The following KCTD3 variants were observed in gnomAD, a reference collection of about 807,000 sequenced individuals.
The protein encoded by KCTD3 is BTB/POZ domain-containing protein KCTD3.
KCTD3 carries 41 observed loss-of-function variants against 85.8 expected under a neutral mutation model. The observed-to-expected ratio is 0.48, with a 90% confidence interval of 0.37 to 0.62. The LOEUF (loss-of-function observed/expected upper bound fraction) is 0.62, where lower values mean the gene tolerates loss of function less well. Among genes scored for constraint, KCTD3 ranks in the 20% least tolerant of loss-of-function variants. The pLI, the probability that KCTD3 is intolerant of heterozygous loss-of-function variation, is 0.00. For synonymous variants in KCTD3, 338 were observed against 345.4 expected (o/e 0.98, Z 0.24); for missense variants, 724 against 989.9 (o/e 0.73, Z 3.60).
chr1:215,576,512 G>T (rs1659589741), intron 4 of KCTD3, among the ~76,000 whole-genome samples: 1 of 152,082 alleles, frequency 6.6e-6, no homozygotes. Context: ...GGAGTTTGAG[G>T]CTGCAGTGAG....
chr1:215,592,444 G>A (rs1236554820), intron 9 of KCTD3, among the ~76,000 whole-genome samples: 1 of 151,912 alleles, frequency 6.6e-6, no homozygotes, highest in African/African-American at 2.4e-5. Context: ...GACAGCTTAA[G>A]TCCTCCCAAA....
At chr1:215,600,317 T>G (rs1001707928) in intron 10 of KCTD3, among the ~76,000 whole-genome samples, 1 of 152,158 alleles carries the variant, frequency 6.6e-6, no homozygotes, top group African/African-American at 2.4e-5. Flanking sequence ...GTTATTTCTG[T>G]TTTTAATTAG....
chr1:215,586,755 A>C lies in KCTD3; in HGVS notation c.817+70A>C, dbSNP rs1206393341. ...TTTGAAGTTTATAAAAGAGATTGACACTGAATATGAAAATTAACCTGGACT... is the reference window on the plus strand; with the variant it reads ...TTTGAAGTTTATAAAAGAGATTGACCCTGAATATGAAAATTAACCTGGACT... On this transcript the variant is annotated intron_variant, in intron 9 of 17. Transcript: ENST00000259154. 7.8e-6 allele frequency: 10 copies of C among 1,275,026 alleles called. No homozygotes were observed. In the Admixed American group the frequency reaches 1.8e-4, roughly 23 times the overall value. 79.0% of individuals were successfully genotyped at this position (1,275,026 alleles called of 1,614,324 possible).
intron 12 of KCTD3, among the ~76,000 whole-genome samples, chr1:215,603,269 G>A (rs923903143): frequency 6.6e-6 from 1 of 151,984 alleles, no homozygotes; most frequent in African/African-American, 2.4e-5. Flanking sequence ...CATCTTTCTG[G>A]TTCTAGGAGG....
rs773715867 is a variant in KCTD3, at chr1:215,620,554, C to A, written c.2384C>A (p.Thr795Lys). 1 of 1,613,562 alleles carries A rather than the reference C, an allele frequency of 6.2e-7. No individual in the cohort carries two copies. The highest frequency in any genetic ancestry group is 1.1e-5 in the South Asian group (1 of 90,970). The change falls in exon 18 of 18, where the codon ACA (threonine) becomes AAA (lysine). Residue 795 changes from threonine (T) to lysine (K), a missense_variant. By Grantham distance (78) the Thr-to-Lys change is moderately conservative (BLOSUM62 -1). Coordinates refer to ENST00000259154, the MANE Select transcript of KCTD3 (RefSeq NM_016121.5). The part of the protein sequence containing the change: ...DSPGTASPSP[T>K]KTTPSPRHKK... ...CCTGGTACTGCGTCCCCATCTCCTA[C>A]AAAGACTACTCCATCTCCTCGGCAT...
At chr1:215,581,033 G>T in intron 8 of KCTD3, 1 of 441,382 alleles carries the variant, frequency 2.3e-6, no homozygotes, top group East Asian at 7.4e-5. Flanking sequence ...AGGCCGAGAT[G>T]GGTGGAGTTC....
intron 8 of KCTD3, among the ~76,000 whole-genome samples, chr1:215,580,766 GA>G (rs1299836169): frequency 6.6e-6 from 1 of 151,882 alleles, no homozygotes. Context: ...GTTCGGTTAA[GA>G]AAAATAGTCA....
chr1:215,568,621 A>ATTAGTTGAGTT (rs1409176081), intron 1 of KCTD3, among the ~76,000 whole-genome samples: 16 of 151,828 alleles, frequency 1.1e-4, no homozygotes. Flanking sequence ...TGAAAGAAGG[A>ATTAGTTGAGTT]TTAGTTGAGT....
At chr1:215,574,506 A>G (rs911491152) in intron 3 of KCTD3, among the ~76,000 whole-genome samples, 1 of 152,128 alleles carries the variant, frequency 6.6e-6, no homozygotes, top group African/African-American at 2.4e-5. Context: ...TTGGAGAATA[A>G]CCTTGCGAAT....
intron 15 of KCTD3, among the ~76,000 whole-genome samples, chr1:215,613,338 A>C (rs980616184): frequency 6.6e-6 from 1 of 152,058 alleles, no homozygotes; most frequent in African/African-American, 2.4e-5. Context: ...TCGTTTGCCC[A>C]CTTTCTAATG....
chr1:215,567,444 G>A lies in KCTD3; in HGVS notation c.-242G>A, dbSNP rs1659164893. ...GGCCCGGGCGGCCCGGCGGCCTGGA[G>A]GCCGCGAAAGGTGGAGGCCGGGCCG... On this transcript the variant is annotated 5_prime_UTR_variant, in exon 1 of 18. Coordinates refer to ENST00000259154, the MANE Select transcript of KCTD3 (RefSeq NM_016121.5). 4.1e-6 allele frequency: 1 copy of A among 246,018 alleles called. No individual in the cohort carries two copies. Among genetic ancestry groups the A allele is most frequent in the South Asian group, 1.8e-4 (1 of 5,618 alleles). 15.2% of individuals were successfully genotyped at this position (246,018 alleles called of 1,614,324 possible).
intron 5 of KCTD3, 102 bp downstream of exon 5, chr1:215,577,830 G>C (rs1571873515): frequency 7.8e-7 from 1 of 1,279,318 alleles, no homozygotes; most frequent in Non-Finnish European, 1.1e-6. Flanking sequence ...TGATGGACTT[G>C]TTCAGTGCTT....
chr1:215,620,606 G>A lies in KCTD3; in HGVS notation c.2436G>A (p.Glu812=), dbSNP rs1393870955. 6.3e-7 allele frequency: 1 copy of A among 1,579,114 alleles called. No homozygotes were observed. The highest frequency in any genetic ancestry group is 8.6e-7 in the Non-Finnish European group (1 of 1,164,982). Residue 812 remains glutamate, a synonymous_variant, in exon 18 of 18, where the codon GAG becomes GAA. Transcript: ENST00000259154. ...AAAAAAGTGATTCTTCAGGTCAGGA[G>A]TACAGCTTGTGAAAACTCACCAAAA... ...RHKKSDSSGQ[E]YSL
chr1:215,594,303 C>T (rs962066314), intron 9 of KCTD3, among the ~76,000 whole-genome samples: 3 of 152,200 alleles, frequency 2.0e-5, no homozygotes, highest in Non-Finnish European at 4.4e-5. Flanking sequence ...ACTCCTAGTG[C>T]AGTACTCTGC....
rs750025083 is a variant in KCTD3, at chr1:215,620,161, G to A, written c.1991G>A (p.Ser664Asn). 4 of 1,613,384 alleles carry A rather than the reference G, an allele frequency of 2.5e-6. No individual in the cohort carries two copies. In the South Asian group the frequency reaches 3.3e-5, roughly 13 times the overall value. The part of the protein sequence containing the change: ...PLLARARRTE[S>N]FHSYRDFQTI... ...TTAGCAAGGGCAAGAAGGACTGAGA[G>A]CTTTCACAGTTATAGGGACTTCCAG... is the stretch of plus-strand genomic sequence containing the variant. Residue 664 changes from serine to asparagine, a missense_variant, in exon 18 of 18, where the codon AGC becomes AAC. Ser to Asn is a conservative substitution (Grantham distance 46, BLOSUM62 1). Transcript: ENST00000259154.
rs1002990070 is a variant in KCTD3, at chr1:215,586,555, C to G, written c.687C>G (p.Ile229Met). The G allele has an allele frequency of 4.3e-6, 7 of 1,613,956 alleles. No homozygotes were observed. Among genetic ancestry groups the G allele is most frequent in the South Asian group, 1.1e-5 (1 of 91,068 alleles). Reference sequence around the variant, plus strand: ...CGAGCCCATATTTGGATTGGACTATCGAACGAGTAGCTTTAAATGCAAAGG... The same window carrying G: ...CGAGCCCATATTTGGATTGGACTATGGAACGAGTAGCTTTAAATGCAAAGG... The part of the protein sequence containing the change: ...VFTSPYLDWT[I>M]ERVALNAKVV... Residue 229 changes from isoleucine to methionine, a missense_variant, in exon 9 of 18, where the codon ATC (isoleucine) becomes ATG (methionine). By Grantham distance (10) the Ile-to-Met change is conservative (BLOSUM62 1). This residue lies in a region of KCTD3 where 146 missense variants were observed against 320.3 expected (regional missense o/e 0.46). Transcript: ENST00000259154.
At chr1:215,605,478 C>T (rs1558241768) in intron 13 of KCTD3, among the ~76,000 whole-genome samples, 2 of 152,036 alleles carry the variant, frequency 1.3e-5, no homozygotes, top group African/African-American at 4.8e-5. Context: ...TGAGCTCTTT[C>T]CTGGACTCTG....
rs746942540 is a variant in KCTD3, at chr1:215,620,527, C to T, written c.2357C>T (p.Ser786Leu). 6.2e-7 allele frequency: 1 copy of T among 1,613,770 alleles called. No individual in the cohort carries two copies. The highest frequency in any genetic ancestry group is 8.5e-7 in the Non-Finnish European group (1 of 1,179,730). ...AGTACTTCCGATGGAGGAACTGACT[C>T]ACCTGGTACTGCGTCCCCATCTCCT... ...SPSTSDGGTDSPGTASPSPTK... is the reference protein window; with the variant it reads ...SPSTSDGGTDLPGTASPSPTK... Residue 786 changes from serine to leucine, a missense_variant, in exon 18 of 18, where the codon TCA (serine) becomes TTA (leucine). Physicochemically the swap from Ser to Leu is moderately radical, Grantham distance 145 (BLOSUM62 -2). This residue lies in a region of KCTD3 where 222 missense variants were observed against 217.7 expected (regional missense o/e 1.02). Transcript: ENST00000259154.
At chr1:215,578,516 C>A (rs1459323429) in intron 6 of KCTD3, among the ~76,000 whole-genome samples, 3 of 152,162 alleles carry the variant, frequency 2.0e-5, no homozygotes, top group African/African-American at 7.2e-5. Flanking sequence ...GTCAGTGTCA[C>A]CTCAGCCCCA....
Sources: gnomAD v4.1 joint callset for allele counts (sites outside exome capture counted in the v4.1 genomes callset) on GRCh38, gnomAD v4.1.1 for gene constraint, gnomAD v4.1.1 regional missense constraint, MANE v1.5 for transcripts, NCBI Gene and HGNC (gene_info 2026-07-23, HGNC 2026-07-21) for gene names.